The following APBA2 variants were observed in gnomAD, a reference collection of about 807,000 sequenced individuals.
APBA2 encodes amyloid-beta A4 precursor protein-binding family A member 2.
In APBA2, 30 loss-of-function variants were observed where a neutral mutation model predicts 75.0. The ratio of observed to expected loss-of-function variants is 0.40; its 90% CI spans 0.30 to 0.54. The LOEUF is 0.54. Among genes scored for constraint, APBA2 ranks in the 20% least tolerant of loss-of-function variants. The probability of loss-of-function intolerance (pLI) is 0.49; values close to 1 mark genes in which losing one functional copy is unlikely to be tolerated. For missense variants in APBA2, 801 were observed against 1,016.1 expected, an observed-to-expected ratio of 0.79 and a Z score of 2.88; for synonymous variants, 444 against 409.6, an observed-to-expected ratio of 1.08 and a Z score of -1.01.
intron 2 of APBA2, among the ~76,000 whole-genome samples, chr15:28,941,849 C>T (rs981906993): frequency 3.9e-5 from 6 of 152,348 alleles, no homozygotes; most frequent in South Asian, 2.1e-4. Flanking sequence ...CTCCGCCTCC[C>T]GGGTTCACAC....
At chr15:29,048,334 C>T (rs144295785) in intron 3 of APBA2, among the ~76,000 whole-genome samples, 8 of 152,068 alleles carry the variant, frequency 5.3e-5, no homozygotes, top group East Asian at 3.9e-4. Context: ...GGCGACAGAG[C>T]GAGACCTTGT....
At chr15:28,932,063 G>A (rs967444340) in intron 2 of APBA2, among the ~76,000 whole-genome samples, 2 of 152,132 alleles carry the variant, frequency 1.3e-5, no homozygotes, top group African/African-American at 4.8e-5. Context: ...GGCCACACAG[G>A]CCACAGTTGC....
chr15:29,009,311 G>A (rs2039286421), intron 3 of APBA2, among the ~76,000 whole-genome samples: 1 of 152,136 alleles, frequency 6.6e-6, no homozygotes, highest in Non-Finnish European at 1.5e-5. Context: ...TGTTCATGGA[G>A]ACTAAAGTGG....
intron 3 of APBA2, among the ~76,000 whole-genome samples, chr15:29,048,142 T>C (rs1046926046): frequency 2.0e-5 from 3 of 151,560 alleles, no homozygotes; most frequent in Non-Finnish European, 4.4e-5. Flanking sequence ...GAGGCAGGAG[T>C]TGGACACCAA....
chr15:29,074,505 G>A (rs1248385732), intron 4 of APBA2, among the ~76,000 whole-genome samples: 1 of 152,114 alleles, frequency 6.6e-6, no homozygotes, highest in African/African-American at 2.4e-5. Flanking sequence ...GTTGGGGTTG[G>A]GGTTGGGCAT....
chr15:29,066,331 G>T (rs567564013), intron 4 of APBA2, among the ~76,000 whole-genome samples: 70 of 152,268 alleles, frequency 4.6e-4, no homozygotes, highest in African/African-American at 1.6e-3. Flanking sequence ...CACAAGCATA[G>T]CGAGAAAGTA....
chr15:29,073,532 A>G (rs557289826), intron 4 of APBA2, among the ~76,000 whole-genome samples: 3 of 152,256 alleles, frequency 2.0e-5, no homozygotes, highest in African/African-American at 7.2e-5. Context: ...TTGTATTTTT[A>G]GTAGAGACAG....
chr15:28,892,689 G>GTA (rs995716225), intron 1 of APBA2, among the ~76,000 whole-genome samples: 4 of 150,614 alleles, frequency 2.7e-5, no homozygotes, highest in Non-Finnish European at 1.5e-5. Flanking sequence ...GTATGTATGT[G>GTA]TATATATATA....
At chr15:28,947,713 A>G (rs1162013239) in intron 2 of APBA2, among the ~76,000 whole-genome samples, 1 of 152,194 alleles carries the variant, frequency 6.6e-6, no homozygotes. Flanking sequence ...CCTTAAAATC[A>G]GGAGGCCTCA....
At chr15:28,942,105 A>G (rs1446599341) in intron 2 of APBA2, among the ~76,000 whole-genome samples, 1 of 152,230 alleles carries the variant, frequency 6.6e-6, no homozygotes, top group Non-Finnish European at 1.5e-5. Flanking sequence ...TTTTCTAAAA[A>G]AGTAAAATTA....
At chr15:29,080,230 A>G (rs1284162960) in intron 6 of APBA2, among the ~76,000 whole-genome samples, 1 of 152,146 alleles carries the variant, frequency 6.6e-6, no homozygotes, top group Non-Finnish European at 1.5e-5. Context: ...GCTCAGGGAG[A>G]GTGAATCCCG....
intron 3 of APBA2, among the ~76,000 whole-genome samples, chr15:29,035,396 G>A (rs1362770718): frequency 2.7e-5 from 4 of 148,506 alleles, no homozygotes; most frequent in Non-Finnish European, 4.4e-5. Context: ...AGCATGAATC[G>A]ACTACTATCT....
rs2039796633 is a variant in APBA2 at position 29,018,607 on chromosome 15, T to G, written c.-41+22801T>G. 2.0e-5 allele frequency among the ~76,000 whole-genome samples: 3 copies of G among 152,152 alleles called. No homozygotes were observed. In the South Asian group the frequency reaches 6.2e-4, roughly 32 times the overall value. On this transcript the variant is annotated intron_variant, in intron 3 of 14. Coordinates refer to ENST00000683413, the MANE Select transcript of APBA2 (RefSeq NM_001353788.2). ...GCCACCTGGTGGCAGGTGTGGCCAC[T>G]GAGCAGCCCCTGGCTAGGGATGGAG...
chr15:28,930,532 G>T (rs573996375), intron 2 of APBA2, among the ~76,000 whole-genome samples: 3 of 152,286 alleles, frequency 2.0e-5, no homozygotes, highest in African/African-American at 7.2e-5. Flanking sequence ...CACCCGGCTG[G>T]AGCCTGACCT....
At chr15:28,894,278 G>T (rs2032324643) in intron 1 of APBA2, among the ~76,000 whole-genome samples, 1 of 152,190 alleles carries the variant, frequency 6.6e-6, no homozygotes, top group South Asian at 2.1e-4. Context: ...TACTCAGTAG[G>T]TATTTTCTGA....
At chr15:28,951,148 A>G (rs530021001) in intron 2 of APBA2, among the ~76,000 whole-genome samples, 4 of 152,330 alleles carry the variant, frequency 2.6e-5, no homozygotes, top group East Asian at 1.9e-4. Flanking sequence ...CAGTATAACA[A>G]CGATTTATAT....
At chr15:29,096,882 G>T (rs1000138363) in intron 8 of APBA2, among the ~76,000 whole-genome samples, 7 of 152,258 alleles carry the variant, frequency 4.6e-5, no homozygotes, top group African/African-American at 1.7e-4. Flanking sequence ...CCACCGTGCA[G>T]TGGTAATTAG....
intron 6 of APBA2, among the ~76,000 whole-genome samples, chr15:29,087,186 G>T (rs2043325507): frequency 6.6e-6 from 1 of 152,150 alleles, no homozygotes; most frequent in Non-Finnish European, 1.5e-5. Context: ...GTGGTTTCCA[G>T]GTTTTTGCTA....
At chr15:29,111,240 G>A (rs1473072309) in intron 13 of APBA2, among the ~76,000 whole-genome samples, 2 of 152,068 alleles carry the variant, frequency 1.3e-5, no homozygotes. Flanking sequence ...GGTGGTCTGG[G>A]TCACGACTGG....
Sources: allele counts gnomAD v4.1 joint callset (sites outside exome capture counted in the v4.1 genomes callset), GRCh38; gene constraint gnomAD v4.1.1; transcripts MANE v1.5; gene names NCBI Gene and HGNC (gene_info 2026-07-23, HGNC 2026-07-21).